UACA: variants seen among roughly 807,000 people sequenced by gnomAD.
The protein encoded by UACA is uveal autoantigen with coiled-coil domains and ankyrin repeats.
A neutral mutation model predicts 160.5 loss-of-function variants in UACA; 112 were observed. That is an observed-to-expected ratio of 0.70 (90% CI 0.60 to 0.82). The LOEUF is 0.82. Among genes scored for constraint, UACA ranks in the 40% least tolerant of loss-of-function variants. The probability of loss-of-function intolerance (pLI) is 0.00; values close to 1 mark genes in which losing one functional copy is unlikely to be tolerated. For missense variants in UACA, 1,574 were observed against 1,614.6 expected (o/e 0.97, Z 0.43); for synonymous variants, 557 against 568.4 (o/e 0.98, Z 0.29).
chr15:70,778,789 G>GT, the UACA span: 1 of 152,154 alleles, frequency 6.6e-6, no homozygotes, highest in Non-Finnish European at 1.5e-5. Context: ...AACCTTATAT[G>GT]TTTTTTCTCT....
intron 8 of UACA, 141 bp downstream of exon 8, chr15:70,684,124 G>A (rs963003066): frequency 6.1e-6 from 4 of 655,814 alleles, no homozygotes; most frequent in Admixed American, 3.4e-5. Flanking sequence ...GCAAATCCAT[G>A]TTGTAGAGGG....
intron 5 of UACA, 143 bp downstream of exon 5, chr15:70,690,311 A>G (rs1897885482): frequency 1.3e-6 from 1 of 783,490 alleles, no homozygotes; most frequent in Non-Finnish European, 2.1e-6. Flanking sequence ...AATCTAATAA[A>G]TCTCTAATTT....
At position 70,656,579 on chromosome 15, in the gene UACA, T is replaced by C. The variant is rs1896480132; in HGVS notation, c.*477A>G. The C allele has an allele frequency of 6.6e-6, 1 of 152,528 alleles. No homozygotes were observed. The highest frequency in any genetic ancestry group is 2.4e-5 in the African/African-American group (1 of 41,438). The allele number at this position is 152,528 out of a possible 1,614,324, so 9.4% of individuals were successfully genotyped here. A position where few individuals can be genotyped will look rare whatever the true frequency, so the allele number is the denominator to read the frequency against. Reference sequence around the variant, plus strand: ...AATGAAGTTACCTCAGTAAAGATACTGTAACATGTAACTTGGCCAGCCAAG... The same window carrying C: ...AATGAAGTTACCTCAGTAAAGATACCGTAACATGTAACTTGGCCAGCCAAG... On this transcript the variant is annotated 3_prime_UTR_variant, in exon 19 of 19. Transcript: ENST00000322954.
chr15:70,747,757 T>G (rs755769430), intron 1 of UACA, among the ~76,000 whole-genome samples: 2 of 152,148 alleles, frequency 1.3e-5, no homozygotes, highest in Non-Finnish European at 2.9e-5. Flanking sequence ...ATCCTTGATC[T>G]TTCTGCCTAT....
At chr15:70,657,408 C>T (rs1595861055) in intron 18 of UACA, among the ~76,000 whole-genome samples, 4 of 150,836 alleles carry the variant, frequency 2.7e-5, no homozygotes, top group East Asian at 2.0e-4. Flanking sequence ...GTCAGGAGTT[C>T]GAGACCAGCC....
rs1897124416 is a variant in UACA at position 70,671,099 on chromosome 15, A to C, written c.1169-8T>G. 1 of 1,574,060 alleles carries C rather than the reference A, an allele frequency of 6.4e-7. No homozygotes were observed. Among genetic ancestry groups the C allele is most frequent in the Admixed American group, 1.7e-5 (1 of 58,210 alleles). On this transcript the variant is annotated splice_polypyrimidine_tract_variant and splice_region_variant and intron_variant, in intron 14 of 18. Transcript: ENST00000322954. ...GAAGCATATCTTCTTTTCCTAAATA[A>C]ATGCAAATGAATGACATTTTAACTT... is the stretch of plus-strand genomic sequence containing the variant.
At chr15:70,689,508 C>T (rs1010165120) in intron 5 of UACA, among the ~76,000 whole-genome samples, 1 of 151,824 alleles carries the variant, frequency 6.6e-6, no homozygotes, top group African/African-American at 2.4e-5. Flanking sequence ...AAAAGAAATG[C>T]ATTGTGTGAG....
chr15:70,703,381 A>C, intron 1 of UACA: 1 of 826,942 alleles, frequency 1.2e-6, no homozygotes, highest in Non-Finnish European at 1.6e-6. Context: ...TTCCACAAGA[A>C]ATCTGTTTCC....
rs200395651 is a variant in UACA at position 70,668,185 on chromosome 15, T to C, written c.2499A>G (p.Lys833=). The change falls in exon 16 of 19, where the codon AAA becomes AAG. Residue 833 remains lysine (K), a synonymous_variant. Coordinates refer to ENST00000322954, the MANE Select transcript of UACA (RefSeq NM_018003.4). The part of the protein sequence containing the change: ...LKKQLSELKK[K]CGEDQEKIHA... ...GTATTTTCTCCTGGTCTTCACCACA[T>C]TTTTTCTTAAGTTCAGACAGCTGTT... 28 of 1,611,058 alleles carry C rather than the reference T, an allele frequency of 1.7e-5. No individual in the cohort carries two copies. Among genetic ancestry groups the C allele is most frequent in the Middle Eastern group, 3.3e-4 (2 of 6,050 alleles).
intron 1 of UACA, among the ~76,000 whole-genome samples, chr15:70,725,175 AT>A (rs1781962162): frequency 1.3e-5 from 2 of 152,176 alleles, no homozygotes; most frequent in South Asian, 4.1e-4. Context: ...AACAGCAATT[AT>A]TTTTCCCCAA....
rs1266308167 is a variant in UACA, at chr15:70,671,063, A to C, written c.1197T>G (p.Gly399=). The change falls in exon 15 of 19, where the codon GGT becomes GGG. Residue 399 remains glycine, a synonymous_variant. Transcript: ENST00000322954. ...CCTGTGAGTCTGCCATATACATCTG[A>C]CCTTGTTTAAGAAGCATATCTTCTT... is the stretch of plus-strand genomic sequence containing the variant. The part of the protein sequence containing the change: ...NRKEDMLLKQ[G]QMYMADSQCT... 2 of 1,593,344 alleles carry C rather than the reference A, an allele frequency of 1.3e-6. No individual in the cohort carries two copies. The highest frequency in any genetic ancestry group is 1.7e-5 in the Admixed American group (1 of 57,252).
At chr15:70,722,319 C>G (rs1899016982) in intron 1 of UACA, among the ~76,000 whole-genome samples, 1 of 150,414 alleles carries the variant, frequency 6.6e-6, no homozygotes, top group African/African-American at 2.5e-5. Flanking sequence ...CTAGCAAAAT[C>G]ACTTTTTTTT....
At chr15:70,676,307 A>G (rs1325009992) in intron 13 of UACA, 186 bp downstream of exon 13, 1 of 510,554 alleles carries the variant, frequency 2.0e-6, no homozygotes, top group African/African-American at 1.9e-5. Context: ...CTTAACCTTT[A>G]TAACTATGTG....
rs915123492 is a variant in UACA, at chr15:70,693,873, A to G, written c.301+1144T>C. 3.3e-5 allele frequency among the ~76,000 whole-genome samples: 5 copies of G among 152,346 alleles called. 1 individual carries two copies. In the South Asian group the frequency reaches 8.3e-4, roughly 25 times the overall value. On this transcript the variant is annotated intron_variant, in intron 3 of 18. Transcript: ENST00000322954. ...ATATTCTTCTACATCAATGGAAAGC[A>G]TATATAAGCAATAAACACATTTCTT...
chr15:70,762,063 T>C (rs2030792566), intron 1 of UACA, among the ~76,000 whole-genome samples: 1 of 152,110 alleles, frequency 6.6e-6, no homozygotes, highest in Non-Finnish European at 1.5e-5. Context: ...AAAAAAAAAG[T>C]GAAACAAAGT....
chr15:70,755,235 A>C (rs917547904), intron 1 of UACA, among the ~76,000 whole-genome samples: 1 of 152,164 alleles, frequency 6.6e-6, no homozygotes, highest in Non-Finnish European at 1.5e-5. Flanking sequence ...TCTAGAGAGG[A>C]AGGGAGAAGC....
At chr15:70,722,471 C>A (rs1899022803) in intron 1 of UACA, among the ~76,000 whole-genome samples, 1 of 152,006 alleles carries the variant, frequency 6.6e-6, no homozygotes, top group Non-Finnish European at 1.5e-5. Flanking sequence ...ACATGTGCCA[C>A]CACACTGAGC....
intron 1 of UACA, among the ~76,000 whole-genome samples, chr15:70,747,163 T>G (rs139392566): frequency 1.3e-5 from 2 of 152,192 alleles, no homozygotes; most frequent in African/African-American, 4.8e-5. Context: ...CTTTACACTG[T>G]TCCATCTCAC....
At chr15:70,721,855 G>C (rs1271636761) in intron 1 of UACA, among the ~76,000 whole-genome samples, 1 of 152,082 alleles carries the variant, frequency 6.6e-6, no homozygotes. Context: ...TCTATACCAT[G>C]CTGTCAAAAA....
Sources: allele counts gnomAD v4.1 joint callset (sites outside exome capture counted in the v4.1 genomes callset), GRCh38; gene constraint gnomAD v4.1.1; transcripts MANE v1.5; gene names NCBI Gene and HGNC (gene_info 2026-07-23, HGNC 2026-07-21).